Variants in ANXA13 observed in about 807,000 individuals in gnomAD.
ANXA13 encodes the protein annexin XIII.
Under a neutral mutation model 46.6 loss-of-function variants are expected in ANXA13, and 36 were observed. The ratio of observed to expected loss-of-function variants is 0.77; its 90% CI spans 0.59 to 1.02. ANXA13 has a LOEUF of 1.02. ANXA13 is among the 50% of genes least tolerant of loss of function. The pLI, the probability that ANXA13 is intolerant of heterozygous loss-of-function variation, is 0.00. For missense variants in ANXA13, 417 were observed against 396.5 expected (o/e 1.05, Z -0.44); for synonymous variants, 163 against 152.9 (o/e 1.07, Z -0.49).
In ANXA13 at chr8:123,681,036, A is replaced by G. The variant is rs890524424; in HGVS notation, c.*204T>C. ...AGGCAGCCTAGATGCTTGCTAAGCC[A>G]GAGTTCAAGGTGCCCTGCCCACGCA... On this transcript the variant is annotated 3_prime_UTR_variant, in exon 11 of 11. Coordinates refer to ENST00000419625, the MANE Select transcript of ANXA13 (RefSeq NM_004306.4). The G allele has an allele frequency of 7.0e-6, 4 of 568,830 alleles. No individual in the cohort carries two copies. The African/African-American group carries it at 7.4e-5, about 11-fold the overall frequency. The allele number at this position is 568,830 out of a possible 1,614,324, so 35.2% of individuals were successfully genotyped here.
intron 1 of ANXA13, among the ~76,000 whole-genome samples, chr8:123,735,483 C>A (rs1489929102): frequency 1.3e-5 from 2 of 152,088 alleles, no homozygotes; most frequent in Non-Finnish European, 2.9e-5. Context: ...CATAGTGGTC[C>A]TGGTGTAGCC....
chr8:123,700,803 C>T (rs759076205), intron 3 of ANXA13, among the ~76,000 whole-genome samples: 1 of 151,488 alleles, frequency 6.6e-6, no homozygotes, highest in Non-Finnish European at 1.5e-5. Flanking sequence ...CTCTCCACCT[C>T]CCTTTCTCTC....
chr8:123,718,394 G>A (rs1813798918), intron 1 of ANXA13, among the ~76,000 whole-genome samples: 1 of 152,160 alleles, frequency 6.6e-6, no homozygotes, highest in Non-Finnish European at 1.5e-5. Flanking sequence ...CAGTCACACT[G>A]CGGAGTCCAG....
At chr8:123,700,186 T>G (rs1813416325) in intron 3 of ANXA13, among the ~76,000 whole-genome samples, 1 of 152,180 alleles carries the variant, frequency 6.6e-6, no homozygotes. Context: ...AGGTCTGTGG[T>G]CAGTACTCTA....
intron 2 of ANXA13, among the ~76,000 whole-genome samples, chr8:123,707,603 G>A (rs1264770272): frequency 6.6e-6 from 1 of 152,066 alleles, no homozygotes; most frequent in African/African-American, 2.4e-5. Context: ...GAACAGAAAA[G>A]CAAACACTGC....
chr8:123,699,038 G>A (rs1011283576), intron 3 of ANXA13, among the ~76,000 whole-genome samples: 6 of 152,198 alleles, frequency 3.9e-5, no homozygotes, highest in Admixed American at 6.5e-5. Context: ...AATTGCAGAG[G>A]ATAACAGGAA....
At chr8:123,722,326 G>C (rs991740510) in intron 1 of ANXA13, among the ~76,000 whole-genome samples, 2 of 123,246 alleles carry the variant, frequency 1.6e-5, no homozygotes, top group African/African-American at 6.7e-5. Flanking sequence ...AAGAAAGAAA[G>C]AAAAAGAAAG....
In ANXA13 at chr8:123,693,051, T is replaced by C. The variant is rs2129840956; in HGVS notation, c.642+146A>G. On this transcript the variant is annotated intron_variant, in intron 8 of 10. Coordinates refer to ENST00000419625, the MANE Select transcript of ANXA13 (RefSeq NM_004306.4). Reference sequence around the variant, plus strand: ...CCAGATAATTCTAGACATTATCAAATATTCCCTAGGTAGGAAAATCGCCTC... The same window carrying C: ...CCAGATAATTCTAGACATTATCAAACATTCCCTAGGTAGGAAAATCGCCTC... 14 of 727,626 alleles carry C rather than the reference T, an allele frequency of 1.9e-5. No individual in the cohort carries two copies. In the South Asian group the frequency reaches 2.1e-4, roughly 11 times the overall value. 45.1% of individuals were successfully genotyped at this position (727,626 alleles called of 1,614,324 possible).
At chr8:123,688,847 G>C (rs1446760688) in intron 9 of ANXA13, 24 bp downstream of exon 9, 1 of 1,609,610 alleles carries the variant, frequency 6.2e-7, no homozygotes, top group South Asian at 1.1e-5. Context: ...ACCTAAGACA[G>C]GAGCTCTCCT....
chr8:123,695,861 T>G, intron 4 of ANXA13, 140 bp from the exon 5 acceptor site: 2 of 705,560 alleles, frequency 2.8e-6, no homozygotes, highest in African/African-American at 1.8e-5. Flanking sequence ...TCCCTATAGG[T>G]CCAGGGCACA....
chr8:123,697,315 A>T (rs938245693), intron 4 of ANXA13, among the ~76,000 whole-genome samples: 1 of 152,128 alleles, frequency 6.6e-6, no homozygotes, highest in African/African-American at 2.4e-5. Context: ...AGAAGGGTGG[A>T]TGCTGAGTGG....
chr8:123,709,919 C>T (rs148313933), intron 2 of ANXA13, among the ~76,000 whole-genome samples: 3,786 of 152,160 alleles, frequency 0.025, 163 homozygotes, highest in African/African-American at 0.086. Flanking sequence ...CCACCACACC[C>T]GGCCAATTTT....
intron 1 of ANXA13, among the ~76,000 whole-genome samples, chr8:123,722,347 AAAGAAAGAAAGAAAGAAAGAAAG>A (rs1229324402): frequency 8.0e-5 from 3 of 37,346 alleles, no homozygotes; most frequent in Admixed American, 1.8e-4. Context: ...AAAAGAAAAG[AAAGAAAGAAAGAAAGAAAGAAAG>A]AAAGAAAGAA....
At chr8:123,702,520 T>A (rs1388145659) in intron 3 of ANXA13, 122 bp downstream of exon 3, 1 of 768,028 alleles carries the variant, frequency 1.3e-6, no homozygotes, top group Non-Finnish European at 2.2e-6. Context: ...GTTATTTCAC[T>A]TTTCCTCCTG....
At chr8:123,682,272 T>C (rs1339946055) in intron 10 of ANXA13, among the ~76,000 whole-genome samples, 1 of 152,226 alleles carries the variant, frequency 6.6e-6, no homozygotes, top group Admixed American at 6.5e-5. Context: ...CTAGAAGTGA[T>C]GATAGGACTC....
At chr8:123,730,182 A>G (rs922579811) in intron 1 of ANXA13, among the ~76,000 whole-genome samples, 2 of 152,154 alleles carry the variant, frequency 1.3e-5, no homozygotes, top group South Asian at 4.1e-4. Context: ...GCCTCTAGTC[A>G]TGTTTCTCTC....
At chr8:123,712,623 G>A in intron 2 of ANXA13, 55 bp downstream of exon 2, 1 of 1,497,380 alleles carries the variant, frequency 6.7e-7, no homozygotes. Flanking sequence ...AGTTGGACAT[G>A]AGACCAAGTT....
chr8:123,714,937 C>T (rs1248274089), intron 1 of ANXA13, among the ~76,000 whole-genome samples: 1 of 152,242 alleles, frequency 6.6e-6, no homozygotes, highest in Non-Finnish European at 1.5e-5. Context: ...CAGGACTGAA[C>T]CCAGCTCAAT....
chr8:123,680,907 A>G lies in ANXA13; in HGVS notation c.*333T>C, dbSNP rs74619699. On this transcript the variant is annotated 3_prime_UTR_variant, in exon 11 of 11. Transcript: ENST00000419625. ...TTCCTGTACCTTACTTGTGTGATGCATATCCTTCTAAATGTGCCATTACAA... is the reference window on the plus strand; with the variant it reads ...TTCCTGTACCTTACTTGTGTGATGCGTATCCTTCTAAATGTGCCATTACAA... 5.9e-3 allele frequency: 1,279 copies of G among 215,548 alleles called. 17 individuals carry two copies. Among genetic ancestry groups the G allele is most frequent in the African/African-American group, 0.027 (1,186 of 44,214 alleles). The allele number at this position is 215,548 out of a possible 1,614,324, so 13.4% of individuals were successfully genotyped here. A position where few individuals can be genotyped will look rare whatever the true frequency, so the allele number is the denominator to read the frequency against.
Sources: gnomAD v4.1 joint callset for allele counts (sites outside exome capture counted in the v4.1 genomes callset) on GRCh38, gnomAD v4.1.1 for gene constraint, MANE v1.5 for transcripts, NCBI Gene and HGNC (gene_info 2026-07-23, HGNC 2026-07-21) for gene names.